GLIPR1: variants seen among roughly 807,000 people sequenced by gnomAD.
The protein encoded by GLIPR1 is GLI pathogenesis related 1, also known as glioma pathogenesis-related protein 1.
A neutral mutation model predicts 30.3 loss-of-function variants in GLIPR1; 38 were observed. The observed-to-expected ratio is 1.26, with a 90% CI of 0.97 to 1.65. The LOEUF is 1.65. Among genes scored for constraint, GLIPR1 ranks in the 40% most tolerant of loss-of-function variants. The pLI, the probability that GLIPR1 is intolerant of heterozygous loss-of-function variation, is 0.00. For missense variants in GLIPR1, 285 were observed against 326.5 expected (o/e 0.87, Z 0.98); for synonymous variants, 122 against 110.6 (o/e 1.10, Z -0.65).
intron 1 of GLIPR1, chr12:75,481,298 G>C (rs2046269220): frequency 3.1e-6 from 1 of 322,054 alleles, no homozygotes; most frequent in Admixed American, 4.7e-5. Context: ...CTGGTTTTCA[G>C]TGGATTTTAC....
intron 3 of GLIPR1, chr12:75,495,138 TG>T (rs1186852218): frequency 6.6e-6 from 1 of 152,482 alleles, no homozygotes; most frequent in Non-Finnish European, 1.5e-5. Context: ...ATATTGAATG[TG>T]GGTCACCATA....
intron 4 of GLIPR1, chr12:75,495,889 C>CA (rs1033657502): frequency 2.6e-4 from 80 of 312,288 alleles, no homozygotes; most frequent in Non-Finnish European, 3.3e-4. Context: ...ACAACAACAA[C>CA]AAAAAAAACT....
At chr12:75,497,516 T>TGTAA (rs757537415) in intron 4 of GLIPR1, 2 of 152,224 alleles carry the variant, frequency 1.3e-5, no homozygotes, top group African/African-American at 4.8e-5. Flanking sequence ...TTTGTTTTCA[T>TGTAA]GTAAGTTTAG....
chr12:75,499,113 C>T lies in GLIPR1; in HGVS notation c.*135C>T. The T allele has an allele frequency of 3.9e-6, 2 of 508,550 alleles. No individual in the cohort carries two copies. The highest frequency in any genetic ancestry group is 7.4e-5 in the South Asian group (2 of 26,878). The allele number at this position is 508,550 out of a possible 1,614,324, so 31.5% of individuals were successfully genotyped here. ...TATATGTTATAGCAATACTCTTACT[C>T]AAAAGAAGAAATTTCCTAACTCTAT... On this transcript the variant is annotated 3_prime_UTR_variant, in exon 6 of 6. Coordinates refer to ENST00000266659, the MANE Select transcript of GLIPR1 (RefSeq NM_006851.3).
chr12:75,491,933 C>G (rs946431095), intron 3 of GLIPR1: 14 of 152,066 alleles, frequency 9.2e-5, no homozygotes, highest in African/African-American at 3.4e-4. Context: ...AAGACATGCT[C>G]GATACTCTGA....
rs1409087580 is a variant in GLIPR1 at position 75,480,933 on chromosome 12, A to G, written c.53A>G (p.Tyr18Cys). 6.8e-6 allele frequency: 11 copies of G among 1,613,846 alleles called. No individual in the cohort carries two copies. Among genetic ancestry groups the G allele is most frequent in the Non-Finnish European group, 9.3e-6 (11 of 1,179,724 alleles). ...TGGATGGTTTCTTTTGTCTCCAATT[A>G]TTCACACACAGCAAATATTTTGCCA... The part of the protein sequence containing the change: ...IAWMVSFVSN[Y>C]SHTANILPDI... The change falls in exon 1 of 6, where the codon TAT becomes TGT. Residue 18 changes from tyrosine (Y) to cysteine (C), a missense_variant. Physicochemically the swap from Tyr to Cys is radical, Grantham distance 194. Coordinates refer to ENST00000266659, the MANE Select transcript of GLIPR1 (RefSeq NM_006851.3).
intron 3 of GLIPR1, chr12:75,490,721 A>T: frequency 2.0e-6 from 1 of 504,470 alleles, no homozygotes; most frequent in Non-Finnish European, 3.5e-6. Flanking sequence ...TCTTGGAGAG[A>T]GAGAGGGTGT....
chr12:75,494,939 G>A (rs1337499473), intron 3 of GLIPR1: 1 of 152,194 alleles, frequency 6.6e-6, no homozygotes, highest in Non-Finnish European at 1.5e-5. Context: ...TTCATTCAAG[G>A]TTGTTTAGAA....
chr12:75,490,195 T>TCACACACACACACA (rs71829276), intron 2 of GLIPR1, among the ~76,000 whole-genome samples: 35 of 141,710 alleles, frequency 2.5e-4, no homozygotes, highest in Middle Eastern at 3.5e-3. Flanking sequence ...TTATCTTATT[T>TCACACACACACACA]CACACACACA....
At position 75,500,417 on chromosome 12, in the gene GLIPR1, C is replaced by A. The variant is rs1484848151; in HGVS notation, c.*1439C>A. 1 of 151,924 alleles carries A rather than the reference C, an allele frequency of 6.6e-6. No individual in the cohort carries two copies. Among genetic ancestry groups the A allele is most frequent in the African/African-American group, 2.4e-5 (1 of 41,402 alleles). 9.4% of individuals were successfully genotyped at this position (151,924 alleles called of 1,614,324 possible). On this transcript the variant is annotated 3_prime_UTR_variant, in exon 6 of 6. Coordinates refer to ENST00000266659, the MANE Select transcript of GLIPR1 (RefSeq NM_006851.3). ...CTAACCCTAAGCTAGAGGTCAAAAT[C>A]TACTTCCTCTAATATCAAAACGAAA...
intron 3 of GLIPR1, chr12:75,495,210 A>AAG (rs1431699327): frequency 1.2e-5 from 2 of 160,240 alleles, no homozygotes; most frequent in Non-Finnish European, 1.4e-5. Flanking sequence ...AGGGTAGGTA[A>AAG]AGAGAGGGAG....
chr12:75,487,560 C>T (rs1470487141), intron 2 of GLIPR1, among the ~76,000 whole-genome samples: 1 of 152,122 alleles, frequency 6.6e-6, no homozygotes, highest in African/African-American at 2.4e-5. Context: ...TAGGGAAGTA[C>T]ACTCGCCCTT....
rs1417513185 is a variant in GLIPR1, at chr12:75,498,883, C to G, written c.706C>G (p.Leu236Val). ...ATATCCACGTAACAGATACACTTCT[C>G]TCTTTCTCATTGTTAATTCAGTAAT... ...PIYPRNRYTS[L>V]FLIVNSVILI... is the part of the protein sequence containing the mutation. Residue 236 changes from leucine (L) to valine (V), a missense_variant, in exon 6 of 6, where the codon CTC becomes GTC. Coordinates refer to ENST00000266659, the MANE Select transcript of GLIPR1 (RefSeq NM_006851.3). 1 of 1,610,416 alleles carries G rather than the reference C, an allele frequency of 6.2e-7. No individual in the cohort carries two copies. Among genetic ancestry groups the G allele is most frequent in the Non-Finnish European group, 8.5e-7 (1 of 1,177,040 alleles).
At chr12:75,489,734 A>G (rs1354907865) in intron 2 of GLIPR1, 2 of 152,286 alleles carry the variant, frequency 1.3e-5, no homozygotes, top group Non-Finnish European at 2.9e-5. Flanking sequence ...GTGAGTCACT[A>G]TCTTTTCATT....
chr12:75,485,214 G>T (rs2046287953), intron 2 of GLIPR1, among the ~76,000 whole-genome samples: 1 of 152,146 alleles, frequency 6.6e-6, no homozygotes, highest in Non-Finnish European at 1.5e-5. Flanking sequence ...AAAGAAAATA[G>T]ATTCAGGCCC....
chr12:75,483,662 A>G (rs937794321), intron 2 of GLIPR1: 2 of 152,278 alleles, frequency 1.3e-5, no homozygotes, highest in African/African-American at 4.8e-5. Context: ...CCATGTGAGC[A>G]AGGAGGACAG....
In GLIPR1 at chr12:75,501,525, G is replaced by T; in HGVS notation, c.*2547G>T. On this transcript the variant is annotated 3_prime_UTR_variant, in exon 6 of 6. Coordinates refer to ENST00000266659, the MANE Select transcript of GLIPR1 (RefSeq NM_006851.3). ...AGGTCAGGAGAGGACTGTCAATCCA[G>T]TTTGCACTGAAATAGGCATTAGCTG... The T allele has an allele frequency of 1.8e-6, 1 of 545,346 alleles. No homozygotes were observed. Among genetic ancestry groups the T allele is most frequent in the Non-Finnish European group, 3.2e-6 (1 of 307,698 alleles). 33.8% of individuals were successfully genotyped at this position (545,346 alleles called of 1,614,324 possible).
At chr12:75,487,304 A>C (rs2046297816) in intron 2 of GLIPR1, among the ~76,000 whole-genome samples, 1 of 152,266 alleles carries the variant, frequency 6.6e-6, no homozygotes, top group African/African-American at 2.4e-5. Context: ...TTTTAAACAA[A>C]GGACCCCACA....
chr12:75,495,305 C>A, intron 3 of GLIPR1: 1 of 319,346 alleles, frequency 3.1e-6, no homozygotes, highest in Admixed American at 4.4e-5. Context: ...TCTTTTGTCT[C>A]ATCTGTAAAA....
Sources: allele counts gnomAD v4.1 joint callset (sites outside exome capture counted in the v4.1 genomes callset), GRCh38; gene constraint gnomAD v4.1.1; transcripts MANE v1.5; gene names NCBI Gene and HGNC (gene_info 2026-07-23, HGNC 2026-07-21).